The following CSMD2 variants were observed in gnomAD, a reference collection of about 807,000 sequenced individuals.
CSMD2 encodes the protein CUB and sushi domain-containing protein 2.
Under a neutral mutation model 398.5 loss-of-function variants are expected in CSMD2, and 130 were observed. The observed-to-expected ratio is 0.33, with a 90% CI of 0.28 to 0.38. CSMD2 has a LOEUF of 0.38. Among genes scored for constraint, CSMD2 ranks in the 10% least tolerant of loss-of-function variants. The pLI, the probability that CSMD2 is intolerant of heterozygous loss-of-function variation, is 1.00. For synonymous variants in CSMD2, 1,828 were observed against 1,908.5 expected, an observed-to-expected ratio of 0.96 and a Z score of 1.10; for missense variants, 3,829 against 4,764.9, an observed-to-expected ratio of 0.80 and a Z score of 5.78.
At position 33,523,356 on chromosome 1, in the gene CSMD2, T is replaced by G; in HGVS notation, c.10460A>C (p.Glu3487Ala). 1.2e-6 allele frequency: 2 copies of G among 1,603,736 alleles called. No homozygotes were observed. Among genetic ancestry groups the G allele is most frequent in the South Asian group, 2.2e-5 (2 of 90,652 alleles). ...ATCTTTGAACTTATTCATAAAGATC[T>G]CCACAGGCCCTGTAATCTGGTACAC... ...LQVYQITGPVEIFMNKFKDDH... is the reference protein window; with the variant it reads ...LQVYQITGPVAIFMNKFKDDH... The change falls in exon 67 of 71, where the codon GAG becomes GCG. Residue 3487 changes from glutamate to alanine, a missense_variant. Glu to Ala is a moderately radical substitution (Grantham distance 107). Coordinates refer to ENST00000373381, the MANE Select transcript of CSMD2 (RefSeq NM_001281956.2).
chr1:34,160,452 C>G (rs59653307), intron 1 of CSMD2, among the ~76,000 whole-genome samples: 14,507 of 152,146 alleles, frequency 0.095, 821 homozygotes, highest in African/African-American at 0.16. Flanking sequence ...TGTAACCAAA[C>G]GGTGATACTT....
chr1:33,602,408 A>C lies in CSMD2; in HGVS notation c.6671T>G (p.Leu2224Arg). The C allele has an allele frequency of 6.2e-7, 1 of 1,613,946 alleles. No homozygotes were observed. The highest frequency in any genetic ancestry group is 1.1e-5 in the South Asian group (1 of 91,056). ...ATCTCCAGAGGGCTCTGTCTGCAGC[A>C]GGCTGAGGTTGAGGCGGACGCCATG... ...IGHGVRLNLS[L>R]LQTEPSGDFI... Residue 2224 changes from leucine (L) to arginine (R), a missense_variant, in exon 43 of 71, where the codon CTG becomes CGG. This residue lies in a region of CSMD2 where 723 missense variants were observed against 758.6 expected (regional missense o/e 0.95). Transcript: ENST00000373381.
intron 1 of CSMD2, among the ~76,000 whole-genome samples, chr1:34,090,480 A>C (rs1254578409): frequency 6.6e-6 from 1 of 152,072 alleles, no homozygotes; most frequent in Non-Finnish European, 1.5e-5. Context: ...TCTGTGGGCC[A>C]GGCCCATCAC....
intron 56 of CSMD2, among the ~76,000 whole-genome samples, chr1:33,548,483 C>G (rs989349929): frequency 6.6e-6 from 1 of 152,174 alleles, no homozygotes; most frequent in Non-Finnish European, 1.5e-5. Context: ...TGGTGTATGA[C>G]TCAAGGACTT....
In CSMD2 at chr1:33,537,536, A is replaced by G; in HGVS notation, c.9705T>C (p.Ser3235=). Residue 3235 remains serine (S), a synonymous_variant, in exon 61 of 71, where the codon TCT becomes TCC. Transcript: ENST00000373381. The surrounding 1 kb of genome is among the most constrained non-coding windows in gnomAD (Gnocchi z 4.6). ...GAGGGGGATGGCAGGAGAAGGAGACAGATGACCTGTAGGAGAAGCCTCGGT... is the reference window on the plus strand; with the variant it reads ...GAGGGGGATGGCAGGAGAAGGAGACGGATGACCTGTAGGAGAAGCCTCGGT... ...REDRGFSYRS[S]VSFSCHPPLV... The G allele has an allele frequency of 6.2e-7, 1 of 1,614,234 alleles. No individual in the cohort carries two copies.
At position 33,698,786 on chromosome 1, in the gene CSMD2, G is replaced by A. The variant is rs779492798; in HGVS notation, c.3892C>T (p.Arg1298Trp). The stretch of plus-strand genomic sequence containing the variant: ...GTGGGCAGAGGCCGGTCCCAGGTCC[G>A]GCGCTCTCCACTCAGACACAGCAGC... Reference protein sequence around the residue: ...EELLCLSGERRTWDRPLPTCV... With the variant: ...EELLCLSGERWTWDRPLPTCV... Residue 1298 changes from arginine to tryptophan, a missense_variant, in exon 24 of 71, where the codon CGG becomes TGG. Arg to Trp is a moderately radical substitution (Grantham distance 101). Around this residue, in one of 5 missense-constraint regions of CSMD2, gnomAD observed 2,001 missense variants for 2,567.1 expected, o/e 0.78. Coordinates refer to ENST00000373381, the MANE Select transcript of CSMD2 (RefSeq NM_001281956.2). 1.1e-5 allele frequency: 17 copies of A among 1,613,702 alleles called. No individual in the cohort carries two copies. Among genetic ancestry groups the A allele is most frequent in the East Asian group, 4.5e-5 (2 of 44,860 alleles).
At chr1:33,821,557 A>G (rs1487733782) in intron 7 of CSMD2, among the ~76,000 whole-genome samples, 2 of 152,170 alleles carry the variant, frequency 1.3e-5, no homozygotes, top group Non-Finnish European at 2.9e-5. Context: ...AACTTTGCGC[A>G]TGTCCCTCCC....
chr1:33,515,536 CTG>C lies in CSMD2; in HGVS notation c.*1086_*1087del, dbSNP rs1246180461. On this transcript the variant is annotated 3_prime_UTR_variant, in exon 71 of 71. Coordinates refer to ENST00000373381, the MANE Select transcript of CSMD2 (RefSeq NM_001281956.2). ...CATTCTGACTCCACACTTCCTAACT[CTG>C]TCTTTACCTTTGCAGGCTTCTGTTT... 2.6e-5 allele frequency: 4 copies of C among 152,230 alleles called. No individual in the cohort carries two copies. The highest frequency in any genetic ancestry group is 5.9e-5 in the Non-Finnish European group (4 of 68,054). 9.4% of individuals were successfully genotyped at this position (152,230 alleles called of 1,614,324 possible). A position where few individuals can be genotyped will look rare whatever the true frequency, so the allele number is the denominator to read the frequency against.
At chr1:33,552,617 G>T (rs1657564621) in intron 55 of CSMD2, among the ~76,000 whole-genome samples, 1 of 152,208 alleles carries the variant, frequency 6.6e-6, no homozygotes, top group African/African-American at 2.4e-5. Flanking sequence ...AAGGAATAAA[G>T]TATTGATATA....
At chr1:33,756,978 TAA>T in intron 13 of CSMD2, among the ~76,000 whole-genome samples, 1 of 152,074 alleles carries the variant, frequency 6.6e-6, no homozygotes, top group Non-Finnish European at 1.5e-5. Flanking sequence ...TATGCAGCCA[TAA>T]AAAGTGATGA....
chr1:34,062,710 A>T (rs1654653754), intron 2 of CSMD2, among the ~76,000 whole-genome samples: 1 of 152,206 alleles, frequency 6.6e-6, no homozygotes, highest in South Asian at 2.1e-4. Context: ...TTCTGCTGAA[A>T]GGCCTCCAGC....
At chr1:34,091,898 T>C (rs1658609839) in intron 1 of CSMD2, among the ~76,000 whole-genome samples, 1 of 152,092 alleles carries the variant, frequency 6.6e-6, no homozygotes, top group African/African-American at 2.4e-5. Context: ...AGTTAACCCA[T>C]GTGACACAAG....
chr1:33,796,905 G>C (rs1012963605), intron 10 of CSMD2, among the ~76,000 whole-genome samples: 1 of 152,188 alleles, frequency 6.6e-6, no homozygotes, highest in African/African-American at 2.4e-5. Flanking sequence ...GGGAGTGTCT[G>C]TCTTATGTGG....
chr1:33,602,714 C>T (rs1274306950), intron 42 of CSMD2, among the ~76,000 whole-genome samples, 168 bp from the exon 43 acceptor site: 1 of 152,182 alleles, frequency 6.6e-6, no homozygotes, highest in Non-Finnish European at 1.5e-5. Context: ...CTGGTTCTAC[C>T]CACCAGTCCC....
At chr1:33,971,064 A>T (rs1206732261) in intron 3 of CSMD2, among the ~76,000 whole-genome samples, 2 of 152,122 alleles carry the variant, frequency 1.3e-5, no homozygotes, top group African/African-American at 2.4e-5. Context: ...AATGATCATT[A>T]CTAGAACCAT....
chr1:33,698,659 C>A, intron 24 of CSMD2, 94 bp downstream of exon 24: 1 of 1,202,940 alleles, frequency 8.3e-7, no homozygotes, highest in South Asian at 1.6e-5. Flanking sequence ...GCCCCCAGGC[C>A]CTGGAGCATG....
rs1380472792 is a variant in CSMD2, at chr1:33,616,875, G to A, written c.6016+31C>T. The A allele has an allele frequency of 3.2e-6, 5 of 1,577,356 alleles. No homozygotes were observed. In the South Asian group the frequency reaches 5.5e-5, roughly 17 times the overall value. ...TAAGATCCCTGAGAGAAAATTGGTT[G>A]GAATGAATTGTAAAGTCTGGGCTGT... On this transcript the variant is annotated intron_variant, in intron 39 of 70. Coordinates refer to ENST00000373381, the MANE Select transcript of CSMD2 (RefSeq NM_001281956.2).
chr1:33,999,210 A>G (rs16836166), intron 3 of CSMD2, among the ~76,000 whole-genome samples: 6,602 of 152,188 alleles, frequency 0.043, 495 homozygotes, highest in African/African-American at 0.15. Context: ...GGCTAAATCT[A>G]CAAGACTGCA....
chr1:33,625,003 C>T, intron 34 of CSMD2, 48 bp downstream of exon 34: 1 of 1,578,422 alleles, frequency 6.3e-7, no homozygotes, highest in Non-Finnish European at 8.7e-7. Flanking sequence ...AGAGAAAGGA[C>T]TACGTGCCGC....
Sources: allele counts gnomAD v4.1 joint callset (sites outside exome capture counted in the v4.1 genomes callset), GRCh38; gene constraint gnomAD v4.1.1; regional missense constraint gnomAD v4.1.1; non-coding constraint Gnocchi (gnomAD v3.1); transcripts MANE v1.5; gene names NCBI Gene and HGNC (gene_info 2026-07-23, HGNC 2026-07-21).